The following SLC9C1 variants were observed in gnomAD, a reference collection of about 807,000 sequenced individuals.
SLC9C1 encodes sodium/hydrogen exchanger 10.
SLC9C1 carries 97 observed loss-of-function variants against 140.9 expected under a neutral mutation model. The ratio of observed to expected loss-of-function variants is 0.69; its 90% CI spans 0.58 to 0.82. The LOEUF is 0.82. SLC9C1 is among the 40% of genes least tolerant of loss of function. The pLI is 0.00. For synonymous variants in SLC9C1, 440 were observed against 442.6 expected, an observed-to-expected ratio of 0.99 and a Z score of 0.07; for missense variants, 1,340 against 1,389.3, an observed-to-expected ratio of 0.96 and a Z score of 0.56.
At chr3:112,246,945 T>G (rs2079302825) in intron 10 of SLC9C1, among the ~76,000 whole-genome samples, 1 of 152,196 alleles carries the variant, frequency 6.6e-6, no homozygotes, top group Admixed American at 6.6e-5. Flanking sequence ...CTGCTGAGAA[T>G]AGCTGCTTTC....
chr3:112,154,091 G>C (rs1327363794), intron 27 of SLC9C1, among the ~76,000 whole-genome samples: 2 of 10,086 alleles, frequency 2.0e-4, no homozygotes, highest in Non-Finnish European at 1.0e-3. Flanking sequence ...GACAAAAGGA[G>C]TGTCTGTTCT....
intron 23 of SLC9C1, among the ~76,000 whole-genome samples, chr3:112,172,210 G>T (rs569860398): frequency 1.3e-5 from 2 of 152,094 alleles, no homozygotes; most frequent in African/African-American, 4.8e-5. Context: ...CACAAATACG[G>T]TGTACTTCTC....
rs1299555450 is a variant in SLC9C1, at chr3:112,140,985, G to A, written c.*287C>T. ...GAGCAATATGCAAAATATCTAGATG[G>A]CTATAAACTTATTTTCTGGCTTTAA... On this transcript the variant is annotated 3_prime_UTR_variant, in exon 29 of 29. Transcript: ENST00000305815. 3.2e-6 allele frequency: 1 copy of A among 312,482 alleles called. No individual in the cohort carries two copies. The highest frequency in any genetic ancestry group is 5.9e-6 in the Non-Finnish European group (1 of 169,466). The allele number at this position is 312,482 out of a possible 1,614,324, so 19.4% of individuals were successfully genotyped here.
chr3:112,262,911 C>T lies in SLC9C1; in HGVS notation c.1197+13G>A. 6.5e-7 allele frequency: 1 copy of T among 1,548,218 alleles called. No homozygotes were observed. Among genetic ancestry groups the T allele is most frequent in the South Asian group, 1.3e-5 (1 of 78,004 alleles). On this transcript the variant is annotated intron_variant, in intron 10 of 28. Coordinates refer to ENST00000305815, the MANE Select transcript of SLC9C1 (RefSeq NM_183061.3). ...TATACAATATTCAGATAAGAAAATA[C>T]AGCTTTCTTTACTTGAGATTTTTCT...
intron 23 of SLC9C1, among the ~76,000 whole-genome samples, chr3:112,174,116 CA>C (rs563104690): frequency 4.1e-4 from 62 of 152,274 alleles, no homozygotes; most frequent in Admixed American, 1.5e-3. Flanking sequence ...ATGGTTTGCC[CA>C]CTTTTTAATG....
intron 20 of SLC9C1, among the ~76,000 whole-genome samples, chr3:112,186,214 A>C (rs1020541141): frequency 8.6e-5 from 13 of 151,712 alleles, no homozygotes; most frequent in Non-Finnish European, 1.6e-4. Context: ...TAATGAAGAA[A>C]AATTCTTAAT....
chr3:112,202,987 C>T (rs561841381), intron 17 of SLC9C1, among the ~76,000 whole-genome samples: 1 of 152,036 alleles, frequency 6.6e-6, no homozygotes, highest in South Asian at 2.1e-4. Flanking sequence ...CTCTACCCTG[C>T]AACTACCTGC....
At chr3:112,222,765 C>T (rs2078577209) in intron 13 of SLC9C1, among the ~76,000 whole-genome samples, 1 of 152,054 alleles carries the variant, frequency 6.6e-6, no homozygotes, top group African/African-American at 2.4e-5. Context: ...GACATGGCCT[C>T]ATAACATTTT....
intron 13 of SLC9C1, among the ~76,000 whole-genome samples, chr3:112,226,619 G>A (rs2108149143): frequency 6.6e-6 from 1 of 152,194 alleles, no homozygotes; most frequent in East Asian, 1.9e-4. Context: ...CTACTCAGGA[G>A]GCTGATGTAG....
intron 6 of SLC9C1, 112 bp downstream of exon 6, chr3:112,274,785 A>G: frequency 1.9e-6 from 2 of 1,032,132 alleles, no homozygotes; most frequent in Non-Finnish European, 2.6e-6. Flanking sequence ...ACCAATACTC[A>G]CTATTATATT....
At chr3:112,283,724 T>C (rs1005357104) in intron 2 of SLC9C1, among the ~76,000 whole-genome samples, 3 of 151,748 alleles carry the variant, frequency 2.0e-5, no homozygotes, top group Admixed American at 6.6e-5. Context: ...TAAATATTGG[T>C]TACCACAGTT....
At position 112,221,139 on chromosome 3, in the gene SLC9C1, C is replaced by T. The variant is rs755208657; in HGVS notation, c.1659G>A (p.Glu553=). The stretch of plus-strand genomic sequence containing the variant: ...GAGAATATACTTACTTTCCCTTCTT[C>T]TCACCAAAACTTTCTGCTGCACCAA... The part of the protein sequence containing the change: ...VLVGAAESFG[E]KKGKCMSLDT... The change falls in exon 14 of 29, where the codon GAG becomes GAA. Residue 553 remains glutamate, a synonymous_variant. Transcript: ENST00000305815. 7 of 1,613,344 alleles carry T rather than the reference C, an allele frequency of 4.3e-6. No individual in the cohort carries two copies. The highest frequency in any genetic ancestry group is 5.1e-6 in the Non-Finnish European group (6 of 1,179,610).
chr3:112,176,003 A>G (rs1434281329), intron 23 of SLC9C1, among the ~76,000 whole-genome samples: 1 of 152,204 alleles, frequency 6.6e-6, no homozygotes, highest in Admixed American at 6.5e-5. Flanking sequence ...AGGAGTAGGT[A>G]TAGGGATCTA....
chr3:112,169,922 A>T (rs2077214432), intron 23 of SLC9C1, among the ~76,000 whole-genome samples: 1 of 152,082 alleles, frequency 6.6e-6, no homozygotes, highest in Non-Finnish European at 1.5e-5. Flanking sequence ...GTATTGGGAA[A>T]ATTTGATTGC....
intron 26 of SLC9C1, among the ~76,000 whole-genome samples, chr3:112,163,844 G>A (rs1311002017): frequency 1.5e-4 from 23 of 151,956 alleles, no homozygotes; most frequent in African/African-American, 4.1e-4. Flanking sequence ...TTTCTGTCTC[G>A]TTGATCTGTC....
intron 27 of SLC9C1, among the ~76,000 whole-genome samples, chr3:112,154,202 A>G (rs1469732769): frequency 1.3e-5 from 2 of 152,220 alleles, no homozygotes; most frequent in Non-Finnish European, 2.9e-5. Context: ...TATTCATAGC[A>G]GACATTTATC....
intron 23 of SLC9C1, among the ~76,000 whole-genome samples, chr3:112,174,842 T>A (rs949649512): frequency 6.6e-6 from 1 of 152,002 alleles, no homozygotes; most frequent in African/African-American, 2.4e-5. Flanking sequence ...AAGGGTTGGG[T>A]CATTGTGCTG....
intron 10 of SLC9C1, among the ~76,000 whole-genome samples, chr3:112,247,825 T>A (rs558145992): frequency 6.6e-6 from 1 of 152,050 alleles, no homozygotes; most frequent in Admixed American, 6.6e-5. Context: ...ACTGCATACA[T>A]CTCACTCTGG....
chr3:112,185,777 G>C (rs1209500773), intron 20 of SLC9C1: 2 of 1,549,076 alleles, frequency 1.3e-6, no homozygotes, highest in Non-Finnish European at 1.7e-6. Flanking sequence ...GCGTCCGCAC[G>C]ATGCGGCTGC....
Sources: gnomAD v4.1 joint callset for allele counts (sites outside exome capture counted in the v4.1 genomes callset) on GRCh38, gnomAD v4.1.1 for gene constraint, MANE v1.5 for transcripts, NCBI Gene and HGNC (gene_info 2026-07-23, HGNC 2026-07-21) for gene names.